The following C11orf65 variants were observed in gnomAD, a reference collection of about 807,000 sequenced individuals.
C11orf65 encodes chromosome 11 open reading frame 65.
C11orf65 carries 38 observed loss-of-function variants against 35.3 expected under a neutral mutation model. That is an observed-to-expected ratio of 1.08 (90% CI 0.83 to 1.41). The LOEUF (loss-of-function observed/expected upper bound fraction) is 1.41. Ranked by LOEUF, C11orf65 falls within the 40% of genes most tolerant of loss-of-function variation. C11orf65 has a pLI of 0.00. For missense variants in C11orf65, 370 were observed against 367.1 expected, an observed-to-expected ratio of 1.01 and a Z score of -0.06; for synonymous variants, 105 against 114.4, an observed-to-expected ratio of 0.92 and a Z score of 0.53.
chr11:108,406,468 C>A (rs960792159), intron 5 of C11orf65, among the ~76,000 whole-genome samples: 1 of 152,028 alleles, frequency 6.6e-6, no homozygotes, highest in Non-Finnish European at 1.5e-5. Flanking sequence ...ATTCAACATA[C>A]CAAATTCTAC....
At chr11:108,414,207 TA>T (rs1302370717) in intron 3 of C11orf65, among the ~76,000 whole-genome samples, 2 of 152,048 alleles carry the variant, frequency 1.3e-5, no homozygotes, top group African/African-American at 4.8e-5. Flanking sequence ...TACACATTAC[TA>T]ATATCAGAAA....
At chr11:108,313,133 C>G (rs778121208) in intron 6 of C11orf65, among the ~76,000 whole-genome samples, 1 of 152,336 alleles carries the variant, frequency 6.6e-6, no homozygotes, top group Non-Finnish European at 1.5e-5. Context: ...AATCTTCCGT[C>G]ATGTTACAGA....
chr11:108,318,358 T>C (rs1202828616), intron 6 of C11orf65, among the ~76,000 whole-genome samples: 2 of 150,262 alleles, frequency 1.3e-5, no homozygotes, highest in Non-Finnish European at 2.9e-5. Context: ...CGAGACTCTG[T>C]CTCTAAAAAA....
At chr11:108,339,094 TGGAAATGAA>T (rs1470746995) in intron 2 of C11orf65, among the ~76,000 whole-genome samples, 20 of 152,336 alleles carry the variant, frequency 1.3e-4, no homozygotes, top group African/African-American at 3.8e-4. Context: ...GAGAATCAGA[TGGAAATGAA>T]GACAGTTCTT....
rs755694394 is a variant in C11orf65 at position 108,315,869 on chromosome 11, T to G, written c.641-6798A>C. 1 of 1,613,536 alleles carries G rather than the reference T, an allele frequency of 6.2e-7. No homozygotes were observed. The highest frequency in any genetic ancestry group is 1.1e-5 in the South Asian group (1 of 91,060). ...AGAAGTATAGGGGAGCCAGATAGTT[T>G]GTATGGCTGTGGTGGAGGGAAGATG... On this transcript the variant is annotated intron_variant, in intron 6 of 6. Coordinates refer to the C11orf65 transcript ENST00000525729.
intron 6 of C11orf65, chr11:108,321,208 T>G (rs2085180476): frequency 6.6e-7 from 1 of 1,523,962 alleles, no homozygotes; most frequent in Non-Finnish European, 9.0e-7. Flanking sequence ...TAGCAAAGCC[T>G]ATGATGAGAA....
chr11:108,362,513 G>C (rs1015365158), intron 2 of C11orf65, among the ~76,000 whole-genome samples: 6 of 149,028 alleles, frequency 4.0e-5, no homozygotes, highest in Non-Finnish European at 9.0e-5. Context: ...TGTTTATTGC[G>C]GCATTATTCA....
At chr11:108,452,572 C>A (rs957067488) in intron 2 of C11orf65, among the ~76,000 whole-genome samples, 1 of 152,156 alleles carries the variant, frequency 6.6e-6, no homozygotes, top group African/African-American at 2.4e-5. Flanking sequence ...CTAGTTCAAC[C>A]ATTGTAGAAG....
At chr11:108,322,148 CTTTTT>C (rs533024262) in intron 6 of C11orf65, among the ~76,000 whole-genome samples, 1 of 151,680 alleles carries the variant, frequency 6.6e-6, no homozygotes, top group African/African-American at 2.4e-5. Flanking sequence ...GTTTTGTTTT[CTTTTT>C]TTTCTTTTTA....
At chr11:108,359,407 G>T (rs539071009) in intron 2 of C11orf65, among the ~76,000 whole-genome samples, 30 of 152,054 alleles carry the variant, frequency 2.0e-4, no homozygotes, top group Middle Eastern at 3.4e-3. Context: ...AGTCAACAAG[G>T]ATACCCAGGA....
chr11:108,339,214 A>G (rs574736947), intron 2 of C11orf65, among the ~76,000 whole-genome samples: 2 of 152,328 alleles, frequency 1.3e-5, no homozygotes, highest in Admixed American at 1.3e-4. Flanking sequence ...GTTACAAAGT[A>G]TACTGAACAA....
Position 108,325,918 on chromosome 11 carries a change from A to G in C11orf65, c.641-16847T>C. ...CGTGGGGTGGGGAGATGTCATGCAG[A>G]CAGAGAGGTCCTTAAGATAGTCCCT... is the stretch of plus-strand genomic sequence containing the variant. On this transcript the variant is annotated intron_variant, in intron 6 of 6. Transcript: ENST00000525729. 2.9e-6 allele frequency: 3 copies of G among 1,028,198 alleles called. 1 individual carries two copies. The South Asian group carries it at 4.3e-5, about 15-fold the overall frequency. The allele number at this position is 1,028,198 out of a possible 1,614,324, so 63.7% of individuals were successfully genotyped here. A position where few individuals can be genotyped will look rare whatever the true frequency, so the allele number is the denominator to read the frequency against.
intron 6 of C11orf65, among the ~76,000 whole-genome samples, chr11:108,324,537 T>C (rs994609873): frequency 1.3e-5 from 2 of 152,092 alleles, no homozygotes; most frequent in African/African-American, 4.8e-5. Context: ...CGCAAAAAGT[T>C]TGAGACCTGC....
chr11:108,461,228 C>G (rs1037975922), intron 2 of C11orf65, among the ~76,000 whole-genome samples: 7 of 151,944 alleles, frequency 4.6e-5, no homozygotes, highest in Admixed American at 2.0e-4. Flanking sequence ...ATGGTGAAAC[C>G]CCGTCTCTAC....
chr11:108,310,254 A>G lies in C11orf65; in HGVS notation c.641-1183T>C, dbSNP rs2084033441. On this transcript the variant is annotated intron_variant, in intron 6 of 6. Transcript: ENST00000525729. ...AGCTCAGTCTTGTGCTGCTCACTTT[A>G]CAGCTTTACTCTATGCAGAAATCTA... 6.2e-7 allele frequency: 1 copy of G among 1,613,528 alleles called. No individual in the cohort carries two copies. The highest frequency in any genetic ancestry group is 2.2e-5 in the East Asian group (1 of 44,770).
chr11:108,317,613 TTTTA>T lies in C11orf65; in HGVS notation c.641-8546_641-8543del, dbSNP rs1209421522. The T allele has an allele frequency of 5.3e-4, 142 of 270,298 alleles. No homozygotes were observed. The African/African-American group carries it at 7.5e-3, about 14-fold the overall frequency. 16.7% of individuals were successfully genotyped at this position (270,298 alleles called of 1,614,324 possible). A position where few individuals can be genotyped will look rare whatever the true frequency, so the allele number is the denominator to read the frequency against. On this transcript the variant is annotated intron_variant, in intron 6 of 6. Coordinates refer to the C11orf65 transcript ENST00000525729. ...TCTTCTATGAATATAACAGGAGTTG[TTTTA>T]TATATATATATATATATATATATAT...
At chr11:108,310,472 A>G (rs983329024) in intron 6 of C11orf65, among the ~76,000 whole-genome samples, 3 of 152,196 alleles carry the variant, frequency 2.0e-5, no homozygotes, top group Non-Finnish European at 2.9e-5. Flanking sequence ...ATTTTTAAAA[A>G]GGAATATGTA....
At chr11:108,397,996 T>G (rs2092359210) in intron 6 of C11orf65, among the ~76,000 whole-genome samples, 1 of 152,138 alleles carries the variant, frequency 6.6e-6, no homozygotes, top group African/African-American at 2.4e-5. Flanking sequence ...TGTGTCTAGG[T>G]ATGTAAGGGA....
At chr11:108,324,410 AT>A (rs1228301392) in intron 6 of C11orf65, among the ~76,000 whole-genome samples, 1 of 152,142 alleles carries the variant, frequency 6.6e-6, no homozygotes, top group Non-Finnish European at 1.5e-5. Flanking sequence ...AAATTAATAC[AT>A]TTTAGATTTT....
Sources: allele counts gnomAD v4.1 joint callset (sites outside exome capture counted in the v4.1 genomes callset), GRCh38; gene constraint gnomAD v4.1.1; transcripts MANE v1.5; gene names NCBI Gene and HGNC (gene_info 2026-07-23, HGNC 2026-07-21).